AHNAK: variants seen among roughly 807,000 people sequenced by gnomAD.
The protein encoded by AHNAK is AHNAK nucleoprotein.
In AHNAK, 23 loss-of-function variants were observed where a neutral mutation model predicts 37.8. That is an observed-to-expected ratio of 0.61 (90% CI 0.44 to 0.86). The LOEUF (loss-of-function observed/expected upper bound fraction) is 0.86. Among genes scored for constraint, AHNAK ranks in the 40% least tolerant of loss-of-function variants. The probability of loss-of-function intolerance (pLI) is 0.00; values close to 1 mark genes in which losing one functional copy is unlikely to be tolerated. For synonymous variants in AHNAK, 2,481 were observed against 2,636.3 expected, an observed-to-expected ratio of 0.94 and a Z score of 1.80; for missense variants, 7,411 against 7,319.4, an observed-to-expected ratio of 1.01 and a Z score of -0.46.
chr11:62,534,968 A>T (rs1940894329), intron 4 of AHNAK, 35 bp downstream of exon 4: 1 of 1,585,026 alleles, frequency 6.3e-7, no homozygotes, highest in East Asian at 2.3e-5. Flanking sequence ...TGGCCGGGGG[A>T]GCTCAGGGCA....
At chr11:62,473,765 G>T (rs1183051759) in intron 5 of AHNAK, among the ~76,000 whole-genome samples, 3 of 152,044 alleles carry the variant, frequency 2.0e-5, no homozygotes, top group Non-Finnish European at 4.4e-5. Flanking sequence ...GGAGGCTGAG[G>T]CTGGAGGATT....
chr11:62,530,436 A>C lies in AHNAK; in HGVS notation c.3981T>G (p.Asp1327Glu). 6.2e-7 allele frequency: 1 copy of C among 1,614,066 alleles called. No homozygotes were observed. The highest frequency in any genetic ancestry group is 8.5e-7 in the Non-Finnish European group (1 of 1,180,018). Residue 1327 changes from aspartate to glutamate, a missense_variant, in exon 5 of 5, where the codon GAT (aspartate) becomes GAG (glutamate). Coordinates refer to ENST00000378024, the MANE Select transcript of AHNAK (RefSeq NM_001620.3). ...TTGGCCCCTTAAGATTCAGGTCCAC[A>C]TCAGGCATGGAGATCTTGGGGGCCT... ...HFKAPKISMP[D>E]VDLNLKGPKL...
chr11:62,480,110 G>T (rs1939235861), intron 5 of AHNAK, among the ~76,000 whole-genome samples: 1 of 152,164 alleles, frequency 6.6e-6, no homozygotes, highest in Admixed American at 6.6e-5. Flanking sequence ...AGGAAGGTCA[G>T]GGCCCTGCTC....
At chr11:62,450,885 G>A (rs1048863130) in intron 5 of AHNAK, among the ~76,000 whole-genome samples, 1 of 152,378 alleles carries the variant, frequency 6.6e-6, no homozygotes, top group Non-Finnish European at 1.5e-5. Flanking sequence ...AACGAGCAGA[G>A]AAGGTGGGTG....
chr11:62,457,077 G>A (rs1359351078), intron 5 of AHNAK, among the ~76,000 whole-genome samples: 1 of 152,094 alleles, frequency 6.6e-6, no homozygotes, highest in Non-Finnish European at 1.5e-5. Context: ...GAGGCGGGAG[G>A]ATCACCTGAG....
intron 4 of AHNAK, among the ~76,000 whole-genome samples, chr11:62,496,485 A>ACCAG (rs1183913682): frequency 6.6e-6 from 1 of 152,164 alleles, no homozygotes; most frequent in Non-Finnish European, 1.5e-5. Flanking sequence ...TTCCACAGCC[A>ACCAG]CCACTCTGAT....
intron 5 of AHNAK, among the ~76,000 whole-genome samples, chr11:62,484,250 C>T (rs1939343228): frequency 6.6e-6 from 1 of 150,720 alleles, no homozygotes; most frequent in Admixed American, 6.6e-5. Flanking sequence ...GGCATGGTAG[C>T]ACACACCGGT....
rs141139317 is a variant in AHNAK at position 62,520,046 on chromosome 11, G to A, written c.14371C>T (p.Pro4791Ser). 5.0e-6 allele frequency: 8 copies of A among 1,613,398 alleles called. No homozygotes were observed. Among genetic ancestry groups the A allele is most frequent in the Middle Eastern group, 1.6e-4 (1 of 6,084 alleles). Residue 4791 changes from proline (P) to serine (S), a missense_variant, in exon 5 of 5, where the codon CCT (proline) becomes TCT (serine). Physicochemically the swap from Pro to Ser is moderately conservative, Grantham distance 74. Coordinates refer to ENST00000378024, the MANE Select transcript of AHNAK (RefSeq NM_001620.3). ...TCTGGACCTTCTCCTTTGAAGCCAG[G>A]CATGCTGAATTTGGGCATTTTCACC... Reference protein sequence around the residue: ...PKVKMPKFSMPGFKGEGPDVD... With the variant: ...PKVKMPKFSMSGFKGEGPDVD...
chr11:62,508,688 C>G (rs949615683), intron 4 of AHNAK, among the ~76,000 whole-genome samples: 2 of 152,252 alleles, frequency 1.3e-5, no homozygotes, highest in African/African-American at 4.8e-5. Context: ...CGCCTTCAGC[C>G]TTAGGAAGCA....
At chr11:62,451,912 A>T (rs544676052) in intron 5 of AHNAK, among the ~76,000 whole-genome samples, 2 of 143,858 alleles carry the variant, frequency 1.4e-5, no homozygotes, top group South Asian at 4.4e-4. Flanking sequence ...GGTTCACGCC[A>T]TTCTCCTGCC....
At chr11:62,481,025 T>A (rs1210517984) in intron 5 of AHNAK, among the ~76,000 whole-genome samples, 1 of 151,792 alleles carries the variant, frequency 6.6e-6, no homozygotes, top group Non-Finnish European at 1.5e-5. Flanking sequence ...CCTGGGCTGA[T>A]CCCTCTCCAG....
chr11:62,524,788 G>C lies in AHNAK; in HGVS notation c.9629C>G (p.Pro3210Arg), dbSNP rs917834923. 1.2e-6 allele frequency: 2 copies of C among 1,614,128 alleles called. No individual in the cohort carries two copies. Among genetic ancestry groups the C allele is most frequent in the Admixed American group, 3.3e-5 (2 of 60,012 alleles). Reference sequence around the variant, plus strand: ...TTTAGGAGCTTTGATGTTCATCTCTGGCATCTTGAATTTAGGGCCCTTCAG... The same window carrying C: ...TTTAGGAGCTTTGATGTTCATCTCTCGCATCTTGAATTTAGGGCCCTTCAG... The part of the protein sequence containing the change: ...AKLKGPKFKM[P>R]EMNIKAPKIS... The change falls in exon 5 of 5, where the codon CCA becomes CGA. Residue 3210 changes from proline to arginine, a missense_variant. By Grantham distance (103) the Pro-to-Arg change is moderately radical. Transcript: ENST00000378024.
At chr11:62,484,645 A>C (rs1939351928) in intron 5 of AHNAK, among the ~76,000 whole-genome samples, 1 of 152,176 alleles carries the variant, frequency 6.6e-6, no homozygotes, top group East Asian at 1.9e-4. Flanking sequence ...TGGGGTCTGA[A>C]GAGCAGTGAG....
chr11:62,503,069 C>T (rs182656913), intron 4 of AHNAK, among the ~76,000 whole-genome samples: 1 of 152,190 alleles, frequency 6.6e-6, no homozygotes, highest in Admixed American at 6.5e-5. Context: ...CTCCATATTC[C>T]GTGAGAGTTC....
chr11:62,527,968 C>G lies in AHNAK; in HGVS notation c.6449G>C (p.Ser2150Thr). 6.2e-7 allele frequency: 1 copy of G among 1,612,954 alleles called. No individual in the cohort carries two copies. The highest frequency in any genetic ancestry group is 8.5e-7 in the Non-Finnish European group (1 of 1,179,826). Residue 2150 changes from serine to threonine, a missense_variant, in exon 5 of 5, where the codon AGT becomes ACT. By Grantham distance (58) the Ser-to-Thr change is moderately conservative. Transcript: ENST00000378024. Reference sequence around the variant, plus strand: ...AACATCAGGCACCTCCACATCCACACTGGGGCCTGTTAAATCTCCCTCCAA... The same window carrying G: ...AACATCAGGCACCTCCACATCCACAGTGGGGCCTGTTAAATCTCCCTCCAA... Reference protein sequence around the residue: ...PKLEGDLTGPSVDVEVPDVEL... With the variant: ...PKLEGDLTGPTVDVEVPDVEL...
rs1455927356 is a variant in AHNAK at position 62,527,731 on chromosome 11, G to A, written c.6686C>T (p.Ala2229Val). The A allele has an allele frequency of 6.2e-6, 10 of 1,613,880 alleles. No homozygotes were observed. Among genetic ancestry groups the A allele is most frequent in the Non-Finnish European group, 8.5e-6 (10 of 1,180,016 alleles). The change falls in exon 5 of 5, where the codon GCC becomes GTC. Residue 2229 changes from alanine (A) to valine (V), a missense_variant. By Grantham distance (64) the Ala-to-Val change is moderately conservative. Coordinates refer to ENST00000378024, the MANE Select transcript of AHNAK (RefSeq NM_001620.3). ...DIRGPKVDID[A>V]PDVDVHGPDW... is the part of the protein sequence containing the mutation. Reference sequence around the variant, plus strand: ...TGGGCCATGAACATCCACATCTGGGGCATCAATGTCCACTTTGGGCCCTCT... The same window carrying A: ...TGGGCCATGAACATCCACATCTGGGACATCAATGTCCACTTTGGGCCCTCT...
chr11:62,438,523 T>C (rs1423267322), intron 5 of AHNAK, among the ~76,000 whole-genome samples: 3 of 152,144 alleles, frequency 2.0e-5, no homozygotes, highest in East Asian at 3.8e-4. Flanking sequence ...AGTTTTCTTA[T>C]TGATCTGCAG....
At chr11:62,492,111 G>A (rs556180497) in intron 4 of AHNAK, among the ~76,000 whole-genome samples, 12 of 152,202 alleles carry the variant, frequency 7.9e-5, no homozygotes, top group Middle Eastern at 3.4e-3. Flanking sequence ...TGCTATCTCC[G>A]GTTCATCCAC....
intron 5 of AHNAK, among the ~76,000 whole-genome samples, chr11:62,480,308 G>C (rs1939241123): frequency 1.3e-5 from 2 of 152,174 alleles, no homozygotes; most frequent in Non-Finnish European, 2.9e-5. Flanking sequence ...GCTTGTGACA[G>C]AGTTCACTCC....
Sources: gnomAD v4.1 joint callset for allele counts (sites outside exome capture counted in the v4.1 genomes callset) on GRCh38, gnomAD v4.1.1 for gene constraint, MANE v1.5 for transcripts, NCBI Gene and HGNC (gene_info 2026-07-23, HGNC 2026-07-21) for gene names.